Variants in USP53 observed in about 807,000 individuals in gnomAD.
USP53 encodes ubiquitin carboxyl-terminal hydrolase 53.
In USP53, 71 loss-of-function variants were observed where a neutral mutation model predicts 94.9. The ratio of observed to expected loss-of-function variants is 0.75; its 90% confidence interval spans 0.62 to 0.91. The LOEUF (loss-of-function observed/expected upper bound fraction) is 0.91, where lower values mean the gene tolerates loss of function less well. Ranked by LOEUF, USP53 falls within the 40% of genes least tolerant of loss-of-function variation. The pLI is 0.00. For synonymous variants in USP53, 375 were observed against 422.7 expected (o/e 0.89, Z 1.39); for missense variants, 1,173 against 1,281.0 (o/e 0.92, Z 1.29).
intron 12 of USP53, 73 bp from the exon 13 acceptor site, chr4:119,267,245 CAG>C (rs1751244208): frequency 2.8e-6 from 4 of 1,426,304 alleles, no homozygotes; most frequent in Admixed American, 2.4e-5. Context: ...TAAAGTAACT[CAG>C]AGTCTGTCTT....
At chr4:119,270,008 A>G (rs1751646911) in intron 15 of USP53, among the ~76,000 whole-genome samples, 171 bp downstream of exon 15, 1 of 147,544 alleles carries the variant, frequency 6.8e-6, no homozygotes, top group South Asian at 2.1e-4. Flanking sequence ...TATATAAATT[A>G]CATATATTTC....
In USP53 at chr4:119,295,461, G is replaced by A. The variant is rs1197052622; in HGVS notation, c.*2250G>A. 6.6e-6 allele frequency: 1 copy of A among 152,092 alleles called. No individual in the cohort carries two copies. The highest frequency in any genetic ancestry group is 2.4e-5 in the African/African-American group (1 of 41,410). The allele number at this position is 152,092 out of a possible 1,614,324, so 9.4% of individuals were successfully genotyped here. ...TACCTTCAGAATGTTATATTTTCAT[G>A]TGAAATCAATTTCTTCTAATTCAAA... On this transcript the variant is annotated 3_prime_UTR_variant, in exon 19 of 19. Coordinates refer to ENST00000692078, the MANE Select transcript of USP53 (RefSeq NM_001371395.1).
chr4:119,260,395 T>C lies in USP53; in HGVS notation c.676-112T>C, dbSNP rs531224812. ...GCTTGTTAGAAGTCAATTTTTAGTA[T>C]ACTGAATAAATTGCAGATATGTGTT... On this transcript the variant is annotated intron_variant, in intron 10 of 18. Transcript: ENST00000692078. The C allele has an allele frequency of 8.7e-5, 72 of 824,510 alleles. No individual in the cohort carries two copies. The African/African-American group carries it at 1.2e-3, about 13-fold the overall frequency. 51.1% of individuals were successfully genotyped at this position (824,510 alleles called of 1,614,324 possible).
At chr4:119,253,541 C>T (rs1208567780) in intron 7 of USP53, among the ~76,000 whole-genome samples, 1 of 151,994 alleles carries the variant, frequency 6.6e-6, no homozygotes, top group Non-Finnish European at 1.5e-5. Flanking sequence ...GATTGCAACC[C>T]CTGCTTTTTT....
chr4:119,265,454 A>G (rs1292710273), intron 12 of USP53, among the ~76,000 whole-genome samples: 1 of 152,088 alleles, frequency 6.6e-6, no homozygotes. Context: ...TTTTTATTTT[A>G]TATTCACATT....
rs1307977065 is a variant in USP53, at chr4:119,267,371, C to T, written c.1024C>T (p.Gln342Ter). ...VVSKCIRCHF[Q>*]PLLLFYANPD... ...CTCCAAATGCATTCGATGCCACTTT[C>T]AGCCACTACTTTTGTTTTATGCAAA... Residue 342 changes from glutamine to a stop codon, truncating the protein, a stop_gained, in exon 13 of 19, where the codon CAG becomes TAG. Transcript: ENST00000692078. LOFTEE classifies it high-confidence loss of function. 1.9e-6 allele frequency: 3 copies of T among 1,613,926 alleles called. No individual in the cohort carries two copies. The highest frequency in any genetic ancestry group is 3.3e-5 in the Admixed American group (2 of 59,994).
intron 7 of USP53, among the ~76,000 whole-genome samples, chr4:119,255,523 G>C (rs1343219722): frequency 6.6e-6 from 1 of 152,208 alleles, no homozygotes; most frequent in Non-Finnish European, 1.5e-5. Context: ...CTAGCAGTGA[G>C]CAAGGCTCCG....
intron 12 of USP53, among the ~76,000 whole-genome samples, chr4:119,265,775 G>A (rs1751054409): frequency 1.3e-5 from 2 of 152,274 alleles, no homozygotes; most frequent in Admixed American, 6.5e-5. Context: ...GTTCAAAAAA[G>A]CTCATCAGAA....
chr4:119,267,586 T>A (rs948749981), intron 13 of USP53, 104 bp downstream of exon 13: 2 of 1,294,048 alleles, frequency 1.5e-6, no homozygotes, highest in Admixed American at 3.0e-5. Context: ...AATTTCAAAT[T>A]TGACTTTCAG....
chr4:119,255,409 G>C (rs1223841261), intron 7 of USP53, among the ~76,000 whole-genome samples: 3 of 152,184 alleles, frequency 2.0e-5, no homozygotes, highest in Non-Finnish European at 2.9e-5. Context: ...CTGCTGCTTT[G>C]TTTACACCGT....
At chr4:119,253,571 G>T (rs1291982562) in intron 7 of USP53, among the ~76,000 whole-genome samples, 1 of 151,962 alleles carries the variant, frequency 6.6e-6, no homozygotes, top group African/African-American at 2.4e-5. Flanking sequence ...CATTTGCTTG[G>T]TAGATCTTCC....
chr4:119,292,693 C>T lies in USP53; in HGVS notation c.2704C>T (p.Arg902Trp), dbSNP rs777978269. 22 of 1,613,908 alleles carry T rather than the reference C, an allele frequency of 1.4e-5. No homozygotes were observed. Among genetic ancestry groups the T allele is most frequent in the Admixed American group, 6.7e-5 (4 of 59,986 alleles). ...ENSLSTECIIRSASRSDGCQM... is the reference protein window; with the variant it reads ...ENSLSTECIIWSASRSDGCQM... ...CTCTCTATCCACAGAATGTATAATT[C>T]GGTCAGCCAGCAGATCTGATGGGTG... Residue 902 changes from arginine to tryptophan, a missense_variant, in exon 19 of 19, where the codon CGG becomes TGG. Coordinates refer to ENST00000692078, the MANE Select transcript of USP53 (RefSeq NM_001371395.1).
chr4:119,212,909 C>A (rs763162459), intron 1 of USP53, 36 bp downstream of exon 1: 9 of 178,462 alleles, frequency 5.0e-5, no homozygotes, highest in African/African-American at 9.4e-5. Context: ...GTTGGAGATC[C>A]AGAGACCTGC....
At chr4:119,248,021 G>A (rs192834836) in intron 6 of USP53, among the ~76,000 whole-genome samples, 1 of 152,130 alleles carries the variant, frequency 6.6e-6, no homozygotes, top group Admixed American at 6.5e-5. Flanking sequence ...GCTAACATGG[G>A]ACTGAATGTG....
At chr4:119,243,014 T>C (rs1553966791) in intron 5 of USP53, among the ~76,000 whole-genome samples, 1 of 152,198 alleles carries the variant, frequency 6.6e-6, no homozygotes, top group Non-Finnish European at 1.5e-5. Flanking sequence ...TAGATATGTA[T>C]TGATCTTTTG....
chr4:119,292,005 TCA>T (rs1754818835), intron 18 of USP53, among the ~76,000 whole-genome samples: 1 of 152,188 alleles, frequency 6.6e-6, no homozygotes. Flanking sequence ...AACACTTTCC[TCA>T]AGTTCTATAT....
chr4:119,216,073 A>T (rs927005961), intron 2 of USP53, among the ~76,000 whole-genome samples: 2 of 152,218 alleles, frequency 1.3e-5, no homozygotes, highest in East Asian at 3.8e-4. Context: ...AACACTAGAA[A>T]GTCAAAAGTT....
At chr4:119,263,765 T>C (rs553428830) in intron 12 of USP53, among the ~76,000 whole-genome samples, 11 of 152,078 alleles carry the variant, frequency 7.2e-5, no homozygotes, top group Non-Finnish European at 1.3e-4. Flanking sequence ...CTGGACCTGA[T>C]ATTAAAAAGC....
chr4:119,260,002 A>G, intron 10 of USP53, 77 bp downstream of exon 10: 1 of 1,033,994 alleles, frequency 9.7e-7, no homozygotes, highest in South Asian at 1.9e-5. Flanking sequence ...ATTATCATGT[A>G]AATATTGATT....
Sources: gnomAD v4.1 joint callset for allele counts (sites outside exome capture counted in the v4.1 genomes callset) on GRCh38, gnomAD v4.1.1 for gene constraint, MANE v1.5 for transcripts, NCBI Gene and HGNC (gene_info 2026-07-23, HGNC 2026-07-21) for gene names.